MYO16: variants seen among roughly 807,000 people sequenced by gnomAD.
The protein encoded by MYO16 is unconventional myosin-XVI.
Under a neutral mutation model 205.3 loss-of-function variants are expected in MYO16, and 94 were observed. That is an observed-to-expected ratio of 0.46 (90% CI 0.39 to 0.54). The LOEUF is 0.54. MYO16 is among the 20% of genes least tolerant of loss of function. The pLI, the probability that MYO16 is intolerant of heterozygous loss-of-function variation, is 0.00. For missense variants in MYO16, 2,315 were observed against 2,387.5 expected (o/e 0.97, Z 0.63); for synonymous variants, 988 against 954.0 (o/e 1.04, Z -0.66).
chr13:109,080,708 T>C (rs1888257913), intron 27 of MYO16, among the ~76,000 whole-genome samples: 1 of 152,152 alleles, frequency 6.6e-6, no homozygotes, highest in African/African-American at 2.4e-5. Flanking sequence ...CCCGGAGAAC[T>C]CTGAGACATG....
At chr13:108,949,527 A>C (rs1395017794) in intron 16 of MYO16, among the ~76,000 whole-genome samples, 1 of 152,172 alleles carries the variant, frequency 6.6e-6, no homozygotes, top group Non-Finnish European at 1.5e-5. Flanking sequence ...AAAAAAAAAT[A>C]CCAATGAAAG....
chr13:108,698,426 T>A (rs1926503), intron 2 of MYO16, among the ~76,000 whole-genome samples: 1 of 151,992 alleles, frequency 6.6e-6, no homozygotes, highest in East Asian at 1.9e-4. Context: ...TGTATCTTAT[T>A]CCTGAGGGTT....
intron 1 of MYO16, among the ~76,000 whole-genome samples, chr13:108,650,254 A>T (rs1218476278): frequency 6.6e-6 from 1 of 152,202 alleles, no homozygotes; most frequent in Non-Finnish European, 1.5e-5. Flanking sequence ...AAAAACAAAG[A>T]AATTTAAGAG....
At chr13:109,010,269 G>C (rs1885548372) in intron 22 of MYO16, among the ~76,000 whole-genome samples, 1 of 151,988 alleles carries the variant, frequency 6.6e-6, no homozygotes. Context: ...CTTTCTTATG[G>C]CTTATTTCCC....
At chr13:109,179,037 A>G (rs760330171) in intron 33 of MYO16, among the ~76,000 whole-genome samples, 1 of 152,142 alleles carries the variant, frequency 6.6e-6, no homozygotes, top group African/African-American at 2.4e-5. Context: ...AATTCAGCCA[A>G]TCTCTTTGCT....
intron 27 of MYO16, among the ~76,000 whole-genome samples, chr13:109,099,995 CAT>C (rs1360040101): frequency 2.0e-5 from 3 of 152,200 alleles, no homozygotes; most frequent in Non-Finnish European, 4.4e-5. Context: ...ACATGAGAAT[CAT>C]AAACACAGAA....
At chr13:109,206,494 G>C (rs919863286) in intron 34 of MYO16, 115 bp from the exon 35 acceptor site, 1 of 749,602 alleles carries the variant, frequency 1.3e-6, no homozygotes, top group Non-Finnish European at 2.2e-6. Context: ...GAGGAAAGAG[G>C]CTGCCTCTTT....
chr13:108,715,204 C>G (rs945333689), intron 3 of MYO16, among the ~76,000 whole-genome samples: 1 of 152,226 alleles, frequency 6.6e-6, no homozygotes. Context: ...GGCCCGTGCT[C>G]CTGCTCCGTG....
At chr13:109,084,212 T>G (rs1482550795) in intron 27 of MYO16, among the ~76,000 whole-genome samples, 2 of 152,208 alleles carry the variant, frequency 1.3e-5, no homozygotes, top group African/African-American at 4.8e-5. Context: ...AGAGAACGAT[T>G]AGATAACAAT....
intron 12 of MYO16, among the ~76,000 whole-genome samples, chr13:108,870,281 TACTG>T (rs1365520345): frequency 6.6e-6 from 1 of 152,078 alleles, no homozygotes; most frequent in African/African-American, 2.4e-5. Flanking sequence ...TTCTTTATAT[TACTG>T]ACGTCTATTA....
chr13:108,912,530 A>T (rs1192867875), intron 16 of MYO16, among the ~76,000 whole-genome samples: 1 of 152,158 alleles, frequency 6.6e-6, no homozygotes, highest in East Asian at 1.9e-4. Context: ...ATTATAAAGG[A>T]GGAAATCAAA....
intron 31 of MYO16, among the ~76,000 whole-genome samples, chr13:109,133,850 C>G (rs1464016113): frequency 6.6e-6 from 1 of 152,160 alleles, no homozygotes; most frequent in Non-Finnish European, 1.5e-5. Flanking sequence ...CCGGAAGTAG[C>G]CACAAACCAA....
At chr13:108,971,193 T>A (rs1046509221) in intron 20 of MYO16, among the ~76,000 whole-genome samples, 2 of 152,084 alleles carry the variant, frequency 1.3e-5, no homozygotes, top group Admixed American at 6.6e-5. Flanking sequence ...TTGTTTTTCC[T>A]CATTTGAATC....
chr13:108,760,342 A>G (rs751167132), intron 4 of MYO16, among the ~76,000 whole-genome samples: 41 of 151,942 alleles, frequency 2.7e-4, no homozygotes, highest in Non-Finnish European at 2.9e-5. Context: ...TCTTATTTCT[A>G]CCACTAACCT....
chr13:108,714,927 T>TCTGGGTACACAG (rs1883883140), intron 3 of MYO16, among the ~76,000 whole-genome samples: 1 of 152,178 alleles, frequency 6.6e-6, no homozygotes, highest in African/African-American at 2.4e-5. Flanking sequence ...ATCCCTCTTT[T>TCTGGGTACACAG]CTGGGTACAC....
chr13:108,804,976 A>G (rs180823677), intron 6 of MYO16, among the ~76,000 whole-genome samples: 1 of 152,306 alleles, frequency 6.6e-6, no homozygotes, highest in East Asian at 1.9e-4. Context: ...CATCGTTAGT[A>G]TCAATTGCTA....
chr13:108,839,499 A>G (rs1877118548), intron 9 of MYO16, among the ~76,000 whole-genome samples: 1 of 152,192 alleles, frequency 6.6e-6, no homozygotes, highest in African/African-American at 2.4e-5. Context: ...ATTCTTGCTC[A>G]GTTTGTCAGA....
At chr13:108,967,014 A>G (rs965804043) in intron 20 of MYO16, among the ~76,000 whole-genome samples, 10 of 152,134 alleles carry the variant, frequency 6.6e-5, no homozygotes, top group Non-Finnish European at 1.2e-4. Flanking sequence ...GATAGAATAG[A>G]CATATTTTTC....
chr13:108,689,710 G>C (rs1298730145), intron 2 of MYO16, among the ~76,000 whole-genome samples: 1 of 147,638 alleles, frequency 6.8e-6, no homozygotes, highest in Non-Finnish European at 1.5e-5. Flanking sequence ...AAATATAAAA[G>C]ATAAAAAAAA....
Sources: gnomAD v4.1 joint callset for allele counts (sites outside exome capture counted in the v4.1 genomes callset) on GRCh38, gnomAD v4.1.1 for gene constraint, MANE v1.5 for transcripts, NCBI Gene and HGNC (gene_info 2026-07-23, HGNC 2026-07-21) for gene names.